Variants in COL5A2 observed in about 807,000 individuals in gnomAD.
COL5A2 encodes the protein collagen alpha-2(V) chain.
Under a neutral mutation model 208.2 loss-of-function variants are expected in COL5A2, and 23 were observed. The observed-to-expected ratio is 0.11, with a 90% CI of 0.08 to 0.16. The LOEUF (loss-of-function observed/expected upper bound fraction) is 0.16. COL5A2 is among the 10% of genes least tolerant of loss of function. The pLI, the probability that COL5A2 is intolerant of heterozygous loss-of-function variation, is 1.00. For missense variants in COL5A2, 1,590 were observed against 1,956.4 expected (o/e 0.81, Z 3.53); for synonymous variants, 625 against 628.5 (o/e 0.99, Z 0.08).
the COL5A2 span, among the ~76,000 whole-genome samples, chr2:189,241,714 A>T: frequency 6.6e-6 from 1 of 152,192 alleles, no homozygotes; most frequent in Non-Finnish European, 1.5e-5. Context: ...TTTTCCCAAT[A>T]TCCTTTATTC....
intron 1 of COL5A2, among the ~76,000 whole-genome samples, chr2:189,119,989 A>G (rs1310534169): frequency 6.6e-6 from 1 of 152,164 alleles, no homozygotes; most frequent in African/African-American, 2.4e-5. Context: ...TAAAGATGTC[A>G]TAAAGAAGTT....
rs79455779 is a variant in COL5A2, at chr2:189,123,699, G to C, written c.98-13250C>G. ...CCTAAACTCTATTTAAGGCATGTTG[G>C]AGTGAATCTTAAGGAAGAATAACCC... On this transcript the variant is annotated intron_variant, in intron 1 of 53. Coordinates refer to ENST00000374866, the MANE Select transcript of COL5A2 (RefSeq NM_000393.5). Among the ~76,000 whole-genome samples the C allele has an allele frequency of 2.4e-4, 36 of 152,292 alleles. No homozygotes were observed. The East Asian group carries it at 6.9e-3, about 29-fold the overall frequency.
the COL5A2 span, among the ~76,000 whole-genome samples, chr2:189,386,249 G>C: frequency 3.2e-4 from 48 of 151,990 alleles, 2 homozygotes; most frequent in Non-Finnish European, 1.5e-5. Flanking sequence ...ATCAATAAAT[G>C]GTGCAGGAAT....
chr2:189,301,665 G>T, the COL5A2 span, among the ~76,000 whole-genome samples: 580 of 152,208 alleles, frequency 3.8e-3, 2 homozygotes, highest in Middle Eastern at 0.024. Flanking sequence ...CTCAAAAGAT[G>T]AACTTCACCA....
chr2:189,279,761 CAGTT>C, the COL5A2 span, among the ~76,000 whole-genome samples: 21 of 152,128 alleles, frequency 1.4e-4, no homozygotes, highest in African/African-American at 2.4e-4. Context: ...AAGAACAAGA[CAGTT>C]AGGAAGATAT....
chr2:189,066,742 G>C lies in COL5A2; in HGVS notation c.1442C>G (p.Pro481Arg). The C allele has an allele frequency of 3.1e-6, 5 of 1,613,148 alleles. No individual in the cohort carries two copies. Among genetic ancestry groups the C allele is most frequent in the Non-Finnish European group, 4.2e-6 (5 of 1,179,404 alleles). ...GVPGFKGEAG[P>R]KGEPGPHGIQ... is the part of the protein sequence containing the mutation. ...ATGAAACCTTACTGGTTCCCCTTTT[G>C]GGCCAGCTTCTCCTTTGAAACCTGG... Residue 481 changes from proline (P) to arginine (R), a missense_variant, in exon 22 of 54, where the codon CCA (proline) becomes CGA (arginine). Pro to Arg is a moderately radical substitution (Grantham distance 103). Transcript: ENST00000374866.
At chr2:189,374,553 T>A in the COL5A2 span, among the ~76,000 whole-genome samples, 6 of 152,164 alleles carry the variant, frequency 3.9e-5, no homozygotes, top group Admixed American at 1.3e-4. Flanking sequence ...CTTAAAAAAT[T>A]ATCAAAGATC....
chr2:189,231,588 A>AC, the COL5A2 span, among the ~76,000 whole-genome samples: 3 of 151,008 alleles, frequency 2.0e-5, no homozygotes, highest in South Asian at 6.3e-4. Context: ...AACAAGCCTG[A>AC]CCCCCCAGCT....
the COL5A2 span, among the ~76,000 whole-genome samples, chr2:189,276,362 C>G: frequency 1.3e-5 from 2 of 152,156 alleles, no homozygotes; most frequent in Admixed American, 1.3e-4. Context: ...TATTTAATGT[C>G]ATAATACTTA....
chr2:189,083,937 T>A (rs374886217), intron 12 of COL5A2, 47 bp downstream of exon 12: 135 of 1,350,580 alleles, frequency 1.0e-4, no homozygotes, highest in South Asian at 5.7e-4. Context: ...TTTAATTCAA[T>A]GTTCTTTATT....
rs571598585 is a variant in COL5A2 at position 189,039,285 on chromosome 2, G to A, written c.3912C>T (p.Ser1304=). ...CTGTCTACTCACCACTCTGCTTTGCGGAATGGCAAAGCTTTAGGTCATCAC... is the reference window on the plus strand; with the variant it reads ...CTGTCTACTCACCACTCTGCTTTGCAGAATGGCAAAGCTTTAGGTCATCAC... ...RTCDDLKLCH[S]AKQSGEYWID... is the part of the protein sequence containing the mutation. The change falls in exon 51 of 54, where the codon TCC becomes TCT. Residue 1304 remains serine, a synonymous_variant. Coordinates refer to ENST00000374866, the MANE Select transcript of COL5A2 (RefSeq NM_000393.5). 1.1e-5 allele frequency: 17 copies of A among 1,613,762 alleles called. No homozygotes were observed. The highest frequency in any genetic ancestry group is 2.2e-5 in the South Asian group (2 of 91,064).
At chr2:189,394,449 G>T in the COL5A2 span, among the ~76,000 whole-genome samples, 14 of 152,116 alleles carry the variant, frequency 9.2e-5, no homozygotes, top group Non-Finnish European at 2.1e-4. Context: ...ACCTTATAAA[G>T]GGATTAGCGC....
intron 11 of COL5A2, among the ~76,000 whole-genome samples, chr2:189,084,895 G>A (rs1686618458): frequency 6.6e-6 from 1 of 152,144 alleles, no homozygotes; most frequent in African/African-American, 2.4e-5. Flanking sequence ...GTGACAACAA[G>A]CCTAGCATCT....
chr2:189,284,378 G>A, the COL5A2 span, among the ~76,000 whole-genome samples: 1 of 152,110 alleles, frequency 6.6e-6, no homozygotes, highest in African/African-American at 2.4e-5. Context: ...AGTTCCTCAG[G>A]CTATATAGGA....
At chr2:189,285,050 C>T in the COL5A2 span, among the ~76,000 whole-genome samples, 2 of 144,426 alleles carry the variant, frequency 1.4e-5, no homozygotes, top group South Asian at 2.2e-4. Context: ...CTTCAGTGTA[C>T]TACTTTGTGA....
chr2:189,276,278 G>C, the COL5A2 span, among the ~76,000 whole-genome samples: 1 of 152,142 alleles, frequency 6.6e-6, no homozygotes, highest in South Asian at 2.1e-4. Context: ...ATTAGGCGGT[G>C]TGTACTCTGA....
At chr2:189,055,016 T>C (rs1158599165) in intron 35 of COL5A2, among the ~76,000 whole-genome samples, 1 of 152,066 alleles carries the variant, frequency 6.6e-6, no homozygotes, top group Non-Finnish European at 1.5e-5. Flanking sequence ...CCCAAGTAGC[T>C]GGGATTGCAA....
chr2:189,325,509 T>C, the COL5A2 span, among the ~76,000 whole-genome samples: 5,342 of 151,278 alleles, frequency 0.035, 108 homozygotes, highest in Admixed American at 0.05. Context: ...CATACACACA[T>C]ACACACACAC....
At chr2:189,101,361 C>T (rs1163095346) in intron 3 of COL5A2, among the ~76,000 whole-genome samples, 7 of 152,062 alleles carry the variant, frequency 4.6e-5, no homozygotes, top group South Asian at 4.2e-4. Flanking sequence ...CTCAACACCC[C>T]GGAGATAACC....
Sources: allele counts gnomAD v4.1 joint callset (sites outside exome capture counted in the v4.1 genomes callset), GRCh38; gene constraint gnomAD v4.1.1; transcripts MANE v1.5; gene names NCBI Gene and HGNC (gene_info 2026-07-23, HGNC 2026-07-21).